Variants in NSUN3 observed in about 807,000 individuals in gnomAD.
NSUN3 encodes the protein tRNA (cytosine(34)-C(5))-methyltransferase, mitochondrial.
In NSUN3, 24 loss-of-function variants were observed where a neutral mutation model predicts 36.8. The observed-to-expected ratio is 0.65, with a 90% CI of 0.47 to 0.92. NSUN3 has a LOEUF of 0.92. Ranked by LOEUF, NSUN3 falls within the 40% of genes least tolerant of loss-of-function variation. The probability of loss-of-function intolerance (pLI) is 0.00; values close to 1 mark genes in which losing one functional copy is unlikely to be tolerated. For missense variants in NSUN3, 381 were observed against 392.8 expected (o/e 0.97, Z 0.25); for synonymous variants, 146 against 145.2 (o/e 1.01, Z -0.04).
chr3:94,088,734 G>A (rs1205542783), intron 3 of NSUN3, among the ~76,000 whole-genome samples: 1 of 148,676 alleles, frequency 6.7e-6, no homozygotes, highest in Non-Finnish European at 1.5e-5. Context: ...GTGCAGTGGT[G>A]TGATCTTGGG....
In NSUN3 at chr3:94,110,735, TACAC is replaced by T. The variant is rs145414941; in HGVS notation, c.744-15447_744-15444del. Among the ~76,000 whole-genome samples, 599 of 143,080 alleles carry T rather than the reference TACAC, an allele frequency of 4.2e-3. 1 individual carries two copies. Among genetic ancestry groups the T allele is most frequent in the Middle Eastern group, 0.011 (3 of 278 alleles). 93.9% of individuals were successfully genotyped at this position (143,080 alleles called of 152,430 possible). On this transcript the variant is annotated intron_variant, in intron 5 of 5. Transcript: ENST00000314622. ...GAAAAAGAGTGGAGATATACATGTA[TACAC>T]ACACACACACACACACACACACACA... is the stretch of plus-strand genomic sequence containing the variant.
intron 3 of NSUN3, among the ~76,000 whole-genome samples, chr3:94,086,071 G>A (rs1576087051): frequency 6.6e-6 from 1 of 151,736 alleles, no homozygotes; most frequent in Admixed American, 6.6e-5. Context: ...AGCCTCCCGA[G>A]TAGCTGGGAT....
chr3:94,117,497 T>C (rs1474533408), intron 5 of NSUN3, among the ~76,000 whole-genome samples: 1 of 152,198 alleles, frequency 6.6e-6, no homozygotes, highest in African/African-American at 2.4e-5. Flanking sequence ...GTGTATTGTT[T>C]TGTTTTTAGC....
In NSUN3 at chr3:94,087,705, C is replaced by G. The variant is rs149225276; in HGVS notation, c.466+3255C>G. ...TGGTTTTTTGAGACAAGGTCTTGCTCTGTTGCTCAGGCTGGAGTGCAGTGG... is the reference window on the plus strand; with the variant it reads ...TGGTTTTTTGAGACAAGGTCTTGCTGTGTTGCTCAGGCTGGAGTGCAGTGG... On this transcript the variant is annotated intron_variant, in intron 3 of 5. Transcript: ENST00000314622. 1.2e-3 allele frequency among the ~76,000 whole-genome samples: 185 copies of G among 152,290 alleles called. 1 individual carries two copies. The highest frequency in any genetic ancestry group is 4.0e-3 in the African/African-American group (165 of 41,558).
chr3:94,078,659 T>G (rs1374426670), intron 2 of NSUN3, among the ~76,000 whole-genome samples: 1 of 152,224 alleles, frequency 6.6e-6, no homozygotes, highest in Non-Finnish European at 1.5e-5. Context: ...AGTTAGCTCT[T>G]CTTGTTGCAT....
chr3:94,091,007 A>T (rs1450358021), intron 3 of NSUN3, among the ~76,000 whole-genome samples: 1 of 152,200 alleles, frequency 6.6e-6, no homozygotes, highest in South Asian at 2.1e-4. Context: ...TTCAACTTTG[A>T]TGCCGTGTTC....
intron 2 of NSUN3, among the ~76,000 whole-genome samples, chr3:94,069,100 A>G (rs565282735): frequency 7.4e-4 from 112 of 152,320 alleles, no homozygotes; most frequent in African/African-American, 2.6e-3. Flanking sequence ...TGAAGGGTCC[A>G]GAGTTGCATC....
At chr3:94,084,552 A>T in intron 3 of NSUN3, 102 bp downstream of exon 3, 2 of 866,884 alleles carry the variant, frequency 2.3e-6, no homozygotes, top group East Asian at 5.2e-5. Flanking sequence ...TGAGTTTGCA[A>T]ACTCAGGAAG....
intron 5 of NSUN3, among the ~76,000 whole-genome samples, chr3:94,125,977 T>C (rs1272670412): frequency 6.6e-6 from 1 of 152,036 alleles, no homozygotes; most frequent in Non-Finnish European, 1.5e-5. Context: ...GGAGAATTAC[T>C]TGAACCTGGG....
chr3:94,108,435 A>G (rs1334920365), intron 5 of NSUN3, among the ~76,000 whole-genome samples: 1 of 150,958 alleles, frequency 6.6e-6, no homozygotes, highest in Non-Finnish European at 1.5e-5. Context: ...ATCTTGGCTC[A>G]CTGCAACCTC....
At chr3:94,079,850 G>T (rs768092290) in intron 2 of NSUN3, among the ~76,000 whole-genome samples, 1 of 151,986 alleles carries the variant, frequency 6.6e-6, no homozygotes, top group African/African-American at 2.4e-5. Flanking sequence ...AAGGTTCTTA[G>T]CTTCCTTGCA....
At chr3:94,117,838 T>G (rs76616322) in intron 5 of NSUN3, among the ~76,000 whole-genome samples, 2,093 of 152,302 alleles carry the variant, frequency 0.014, 47 homozygotes, top group African/African-American at 0.047. Context: ...ATATTTCAAG[T>G]AGGGTTTAAA....
intron 3 of NSUN3, among the ~76,000 whole-genome samples, chr3:94,089,708 A>G (rs180939243): frequency 2.0e-5 from 3 of 152,340 alleles, no homozygotes; most frequent in Admixed American, 6.5e-5. Flanking sequence ...GTATAAAGTC[A>G]TAGGATTAAG....
chr3:94,100,241 T>C (rs893617328), intron 5 of NSUN3, among the ~76,000 whole-genome samples: 7 of 152,238 alleles, frequency 4.6e-5, no homozygotes, highest in African/African-American at 1.7e-4. Flanking sequence ...GTACATTGTC[T>C]GTTGACAGAT....
At position 94,115,361 on chromosome 3, in the gene NSUN3, T is replaced by C. The variant is rs115927054; in HGVS notation, c.744-10850T>C. Among the ~76,000 whole-genome samples, 1,319 of 152,316 alleles carry C rather than the reference T, an allele frequency of 8.7e-3. 17 individuals carry two copies. The highest frequency in any genetic ancestry group is 0.03 in the African/African-American group (1,261 of 41,558). Reference sequence around the variant, plus strand: ...GGAAAAACTTGCTAATATTGTGGCATCCTTTACTTATATTTGCTTCCAACG... The same window carrying C: ...GGAAAAACTTGCTAATATTGTGGCACCCTTTACTTATATTTGCTTCCAACG... On this transcript the variant is annotated intron_variant, in intron 5 of 5. Coordinates refer to ENST00000314622, the MANE Select transcript of NSUN3 (RefSeq NM_022072.5).
chr3:94,094,976 G>A (rs530278425), intron 4 of NSUN3, 57 bp from the exon 5 acceptor site: 1,427 of 1,576,402 alleles, frequency 9.1e-4, no homozygotes, highest in Non-Finnish European at 1.2e-3. Flanking sequence ...TATCTACTTC[G>A]TGCCTGAGAA....
intron 5 of NSUN3, among the ~76,000 whole-genome samples, chr3:94,119,703 T>C (rs2077453781): frequency 6.6e-6 from 1 of 152,252 alleles, no homozygotes; most frequent in African/African-American, 2.4e-5. Flanking sequence ...ATTGCCTGCC[T>C]TCCTTTATCT....
chr3:94,114,252 T>C (rs1352122756), intron 5 of NSUN3, among the ~76,000 whole-genome samples: 2 of 152,202 alleles, frequency 1.3e-5, no homozygotes, highest in East Asian at 3.8e-4. Context: ...GGCACATAGC[T>C]TGAGGTAAAA....
At chr3:94,109,098 G>A (rs1264456819) in intron 5 of NSUN3, among the ~76,000 whole-genome samples, 1 of 152,232 alleles carries the variant, frequency 6.6e-6, no homozygotes, top group Non-Finnish European at 1.5e-5. Flanking sequence ...AAACAGAATA[G>A]GGAGAAATTC....
Sources: allele counts gnomAD v4.1 joint callset (sites outside exome capture counted in the v4.1 genomes callset), GRCh38; gene constraint gnomAD v4.1.1; transcripts MANE v1.5; gene names NCBI Gene and HGNC (gene_info 2026-07-23, HGNC 2026-07-21).